The following R3HCC1L variants were observed in gnomAD, a reference collection of about 807,000 sequenced individuals.
R3HCC1L encodes R3H domain and coiled-coil containing 1 like.
In R3HCC1L, 51 loss-of-function variants were observed where a neutral mutation model predicts 59.9. That is an observed-to-expected ratio of 0.85 (90% confidence interval 0.68 to 1.07). The LOEUF (loss-of-function observed/expected upper bound fraction) is 1.07, where lower values mean the gene tolerates loss of function less well. R3HCC1L is among the 50% of genes least tolerant of loss of function. The pLI is 0.00. For missense variants in R3HCC1L, 965 were observed against 933.0 expected (o/e 1.03, Z -0.45); for synonymous variants, 322 against 315.2 (o/e 1.02, Z -0.23).
At chr10:98,225,277 T>A (rs904670340) in intron 5 of R3HCC1L, among the ~76,000 whole-genome samples, 1 of 152,206 alleles carries the variant, frequency 6.6e-6, no homozygotes, top group Non-Finnish European at 1.5e-5. Context: ...TCACTCTGTG[T>A]CAGTGGTCCT....
Position 98,236,125 on chromosome 10 carries a change from G to C in R3HCC1L, c.2230G>C (p.Glu744Gln), listed in dbSNP as rs115268639. Residue 744 changes from glutamate (E) to glutamine (Q), a missense_variant, in exon 9 of 10, where the codon GAA (glutamate) becomes CAA (glutamine). Glu to Gln is a conservative substitution (Grantham distance 29, BLOSUM62 2). Coordinates refer to ENST00000298999, the MANE Select transcript of R3HCC1L (RefSeq NM_001351015.2). The part of the protein sequence containing the change: ...LGVRSKQSKT[E>Q]REAELKKLQE... ...GGTTCGAAGTAAGCAGAGCAAAACC[G>C]AACGAGAAGCAGAGCTCAAGAAACT... is the stretch of plus-strand genomic sequence containing the variant. 1,835 of 1,613,856 alleles carry C rather than the reference G, an allele frequency of 1.1e-3. 8 individuals carry two copies. In the African/African-American group the frequency reaches 0.022, roughly 19 times the overall value.
At chr10:98,239,211 CTGT>C (rs1382682207) in intron 9 of R3HCC1L, among the ~76,000 whole-genome samples, 1 of 152,112 alleles carries the variant, frequency 6.6e-6, no homozygotes, top group African/African-American at 2.4e-5. Flanking sequence ...ATTGATATGA[CTGT>C]TAAGAATTTA....
intron 4 of R3HCC1L, among the ~76,000 whole-genome samples, chr10:98,199,960 TA>T (rs891709070): frequency 6.6e-6 from 1 of 152,128 alleles, no homozygotes; most frequent in Non-Finnish European, 1.5e-5. Context: ...ATTTGTTATA[TA>T]AAATAGACTT....
At chr10:98,191,784 G>T (rs1412393272) in intron 4 of R3HCC1L, among the ~76,000 whole-genome samples, 1 of 152,094 alleles carries the variant, frequency 6.6e-6, no homozygotes, top group Non-Finnish European at 1.5e-5. Context: ...TATGGTTTTA[G>T]GTCTAACATT....
At chr10:98,206,044 A>G (rs1031759844) in intron 4 of R3HCC1L, among the ~76,000 whole-genome samples, 1 of 152,170 alleles carries the variant, frequency 6.6e-6, no homozygotes, top group African/African-American at 2.4e-5. Flanking sequence ...AAACATAAAC[A>G]AGAAATCTTG....
At chr10:98,155,286 G>T (rs1846732557) in intron 1 of R3HCC1L, among the ~76,000 whole-genome samples, 1 of 152,112 alleles carries the variant, frequency 6.6e-6, no homozygotes, top group Admixed American at 6.5e-5. Context: ...TTGTAAGTAA[G>T]GTCAGACCTA....
intron 5 of R3HCC1L, among the ~76,000 whole-genome samples, chr10:98,224,463 C>T (rs1278892173): frequency 6.6e-6 from 1 of 152,164 alleles, no homozygotes; most frequent in Non-Finnish European, 1.5e-5. Flanking sequence ...AACATCATTA[C>T]TAGTTGGGTA....
At chr10:98,153,682 AAGAC>A (rs1003964394) in intron 1 of R3HCC1L, among the ~76,000 whole-genome samples, 10 of 152,130 alleles carry the variant, frequency 6.6e-5, no homozygotes, top group Non-Finnish European at 1.0e-4. Flanking sequence ...CAGTGATCAT[AAGAC>A]AGACAGAATG....
intron 5 of R3HCC1L, among the ~76,000 whole-genome samples, chr10:98,227,605 A>C (rs1341464329): frequency 6.7e-6 from 1 of 150,114 alleles, no homozygotes; most frequent in Non-Finnish European, 1.5e-5. Flanking sequence ...ATTATACTTT[A>C]AGTTCTAGGG....
intron 1 of R3HCC1L, among the ~76,000 whole-genome samples, chr10:98,136,562 G>C (rs1445147977): frequency 6.6e-6 from 1 of 152,118 alleles, no homozygotes; most frequent in Non-Finnish European, 1.5e-5. Flanking sequence ...GTGTCCAGAC[G>C]CGGTGCCTCA....
At chr10:98,143,508 A>G (rs1845374443) in intron 1 of R3HCC1L, among the ~76,000 whole-genome samples, 1 of 152,070 alleles carries the variant, frequency 6.6e-6, no homozygotes, top group Non-Finnish European at 1.5e-5. Flanking sequence ...CCTTTTTGCC[A>G]TAGTATTTCT....
chr10:98,203,289 T>C (rs1359753176), intron 4 of R3HCC1L, among the ~76,000 whole-genome samples: 1 of 152,164 alleles, frequency 6.6e-6, no homozygotes, highest in Non-Finnish European at 1.5e-5. Flanking sequence ...AGGAGGAATA[T>C]ATGCATGATT....
chr10:98,222,965 T>C (rs1855213114), intron 5 of R3HCC1L, among the ~76,000 whole-genome samples: 1 of 152,076 alleles, frequency 6.6e-6, no homozygotes, highest in Non-Finnish European at 1.5e-5. Context: ...CCTCGACACA[T>C]ACACTCTCCC....
intron 4 of R3HCC1L, among the ~76,000 whole-genome samples, chr10:98,202,672 T>C (rs571089443): frequency 6.6e-6 from 1 of 152,028 alleles, no homozygotes; most frequent in East Asian, 1.9e-4. Context: ...GCCAATATGG[T>C]GAAACCCTGT....
intron 2 of R3HCC1L, among the ~76,000 whole-genome samples, chr10:98,156,785 A>G (rs1846924846): frequency 6.6e-6 from 1 of 152,234 alleles, no homozygotes; most frequent in South Asian, 2.1e-4. Context: ...CTAAGCTAAC[A>G]CTGATTGGCT....
chr10:98,231,419 G>C (rs1327250171), intron 5 of R3HCC1L, 93 bp from the exon 6 acceptor site: 2 of 1,189,044 alleles, frequency 1.7e-6, no homozygotes, highest in Non-Finnish European at 2.4e-6. Context: ...GGAACATGTA[G>C]AGAAAGGGAG....
intron 4 of R3HCC1L, among the ~76,000 whole-genome samples, chr10:98,181,004 A>G (rs971202892): frequency 3.9e-5 from 6 of 152,066 alleles, no homozygotes; most frequent in Non-Finnish European, 7.4e-5. Flanking sequence ...TCTTTATCCA[A>G]TTTGCCAGTC....
chr10:98,185,868 A>G (rs980458564), intron 4 of R3HCC1L, among the ~76,000 whole-genome samples: 1 of 152,226 alleles, frequency 6.6e-6, no homozygotes. Context: ...AGCAGTTACC[A>G]AGACTAGTTA....
chr10:98,199,941 TTATC>T (rs140719288), intron 4 of R3HCC1L, among the ~76,000 whole-genome samples: 186 of 152,202 alleles, frequency 1.2e-3, no homozygotes, highest in Non-Finnish European at 1.9e-3. Context: ...TGTGTTTCAT[TTATC>T]TAGCATTTGT....
Sources: gnomAD v4.1 joint callset for allele counts (sites outside exome capture counted in the v4.1 genomes callset) on GRCh38, gnomAD v4.1.1 for gene constraint, MANE v1.5 for transcripts, NCBI Gene and HGNC (gene_info 2026-07-23, HGNC 2026-07-21) for gene names.